Variants in ZFHX3 observed in about 807,000 individuals in gnomAD.
The protein encoded by ZFHX3 is zinc finger homeobox 3, also known as zinc finger homeobox protein 3.
ZFHX3 carries 42 observed loss-of-function variants against 279.1 expected under a neutral mutation model. That is an observed-to-expected ratio of 0.15 (90% CI 0.12 to 0.19). The LOEUF (loss-of-function observed/expected upper bound fraction) is 0.19. Ranked by LOEUF, ZFHX3 falls within the 10% of genes least tolerant of loss-of-function variation. The pLI, the probability that ZFHX3 is intolerant of heterozygous loss-of-function variation, is 1.00. For synonymous variants in ZFHX3, 2,293 were observed against 1,957.8 expected (o/e 1.17, Z -4.52); for missense variants, 4,981 against 4,754.0 (o/e 1.05, Z -1.40).
intron 5 of ZFHX3, among the ~76,000 whole-genome samples, chr16:73,169,710 A>T (rs1316032299): frequency 6.6e-6 from 1 of 151,990 alleles, no homozygotes; most frequent in African/African-American, 2.4e-5. Flanking sequence ...TTCTTTTGGC[A>T]TAGAAGTGAA....
At chr16:73,577,790 C>A (rs185694869) in intron 2 of ZFHX3, among the ~76,000 whole-genome samples, 4 of 152,170 alleles carry the variant, frequency 2.6e-5, no homozygotes, top group African/African-American at 9.7e-5. Context: ...TATGTTCCGC[C>A]ATAGTTTTAT....
chr16:72,805,838 T>C (rs974702700), intron 7 of ZFHX3, among the ~76,000 whole-genome samples: 1 of 152,170 alleles, frequency 6.6e-6, no homozygotes, highest in East Asian at 1.9e-4. Context: ...TACTGGGCCA[T>C]GGCGTCTTTT....
At chr16:72,994,874 A>G (rs370747559) in intron 1 of ZFHX3, among the ~76,000 whole-genome samples, 12 of 152,372 alleles carry the variant, frequency 7.9e-5, no homozygotes, top group African/African-American at 2.9e-4. Context: ...CATCTCTTCA[A>G]GAGCTGCCTG....
In ZFHX3 at chr16:72,811,740, T is replaced by C. The variant is rs773397643; in HGVS notation, c.3701A>G (p.Asp1234Gly). 7 of 1,613,940 alleles carry C rather than the reference T, an allele frequency of 4.3e-6. No homozygotes were observed. In the East Asian group the frequency reaches 1.3e-4, roughly 31 times the overall value. Reference protein sequence around the residue: ...QCPYCKYSNADVNRLRVHAMT... With the variant: ...QCPYCKYSNAGVNRLRVHAMT... ...GGCATGCACCCGGAGCCGGTTGACATCGGCATTACTGTACTTGCAGTAGGG... is the reference window on the plus strand; with the variant it reads ...GGCATGCACCCGGAGCCGGTTGACACCGGCATTACTGTACTTGCAGTAGGG... The change falls in exon 7 of 10, where the codon GAT becomes GGT. Residue 1234 changes from aspartate to glycine, a missense_variant. Around this residue, in one of 7 missense-constraint regions of ZFHX3, gnomAD observed 1,751 missense variants for 1,770.0 expected, o/e 0.99. Coordinates refer to ENST00000268489, the MANE Select transcript of ZFHX3 (RefSeq NM_006885.4).
At chr16:73,189,644 A>G (rs1181921934) in intron 5 of ZFHX3, among the ~76,000 whole-genome samples, 1 of 152,134 alleles carries the variant, frequency 6.6e-6, no homozygotes, top group African/African-American at 2.4e-5. Flanking sequence ...TTTAGGCTGG[A>G]TGTGGTTTCT....
Position 72,785,868 on chromosome 16 carries a change from T to TAACA in ZFHX3, c.*1292_*1295dup, listed in dbSNP as rs2035347594. ...TAAATAAAAAATAAATGCACAAAGC[T>TAACA]AACAGACACAGGTAACTAGAATTAT... On this transcript the variant is annotated 3_prime_UTR_variant, in exon 10 of 10. Coordinates refer to ENST00000268489, the MANE Select transcript of ZFHX3 (RefSeq NM_006885.4). 1 of 152,146 alleles carries TAACA rather than the reference T, an allele frequency of 6.6e-6. No homozygotes were observed. Among genetic ancestry groups the TAACA allele is most frequent in the South Asian group, 2.1e-4 (1 of 4,826 alleles). The allele number at this position is 152,146 out of a possible 1,614,324, so 9.4% of individuals were successfully genotyped here. A position where few individuals can be genotyped will look rare whatever the true frequency, so the allele number is the denominator to read the frequency against.
At chr16:73,461,202 C>T (rs988600965) in intron 2 of ZFHX3, among the ~76,000 whole-genome samples, 22 of 152,154 alleles carry the variant, frequency 1.4e-4, no homozygotes, top group African/African-American at 5.3e-4. Context: ...TGTGTACCAT[C>T]GTTGCTGAAA....
At chr16:73,311,421 C>T (rs1046912432) in intron 4 of ZFHX3, among the ~76,000 whole-genome samples, 2 of 140,570 alleles carry the variant, frequency 1.4e-5, no homozygotes, top group African/African-American at 5.5e-5. Flanking sequence ...ATGGTGAAAC[C>T]TTGTCTCTAC....
intron 1 of ZFHX3, among the ~76,000 whole-genome samples, chr16:73,717,215 G>A (rs182899627): frequency 9.9e-5 from 15 of 152,274 alleles, no homozygotes; most frequent in Non-Finnish European, 2.1e-4. Context: ...TGTCTTTAGT[G>A]TGGAATAAAA....
At position 72,785,759 on chromosome 16, in the gene ZFHX3, T is replaced by C. The variant is rs1166880855; in HGVS notation, c.*1405A>G. The C allele has an allele frequency of 1.3e-5, 2 of 150,022 alleles. No homozygotes were observed. The highest frequency in any genetic ancestry group is 1.9e-4 in the East Asian group (1 of 5,140). The allele number at this position is 150,022 out of a possible 1,614,324, so 9.3% of individuals were successfully genotyped here. A position where few individuals can be genotyped will look rare whatever the true frequency, so the allele number is the denominator to read the frequency against. ...ACACAAATGGAAACAAATCCTTTAGTATAGAAAAAAAAAGAATATTTGAAG... is the reference window on the plus strand; with the variant it reads ...ACACAAATGGAAACAAATCCTTTAGCATAGAAAAAAAAAGAATATTTGAAG... On this transcript the variant is annotated 3_prime_UTR_variant, in exon 10 of 10. Transcript: ENST00000268489.
chr16:72,785,991 A>G lies in ZFHX3; in HGVS notation c.*1173T>C, dbSNP rs948802060. On this transcript the variant is annotated 3_prime_UTR_variant, in exon 10 of 10. Transcript: ENST00000268489. ...GAAATTCTTTCTTTAGTTTTATAAA[A>G]TAATTCTGCAGCTCCCTCTAAGAAA... The G allele has an allele frequency of 2.6e-5, 4 of 152,214 alleles. No homozygotes were observed. Among genetic ancestry groups the G allele is most frequent in the Non-Finnish European group, 4.4e-5 (3 of 68,040 alleles). The allele number at this position is 152,214 out of a possible 1,614,324, so 9.4% of individuals were successfully genotyped here. A position where few individuals can be genotyped will look rare whatever the true frequency, so the allele number is the denominator to read the frequency against.
At chr16:73,778,063 AAAT>A (rs1377093706) in intron 1 of ZFHX3, among the ~76,000 whole-genome samples, 6 of 151,356 alleles carry the variant, frequency 4.0e-5, no homozygotes, top group Admixed American at 1.3e-4. Flanking sequence ...AAAATGAAAA[AAAT>A]AATATCAAAC....
At chr16:73,637,184 G>T (rs189284476) in intron 2 of ZFHX3, among the ~76,000 whole-genome samples, 4 of 150,344 alleles carry the variant, frequency 2.7e-5, no homozygotes, top group Non-Finnish European at 5.9e-5. Context: ...GACTAGCACA[G>T]ACTAATTGGG....
chr16:73,070,423 T>A (rs1157920889), intron 8 of ZFHX3, among the ~76,000 whole-genome samples: 1 of 150,806 alleles, frequency 6.6e-6, no homozygotes, highest in Non-Finnish European at 1.5e-5. Flanking sequence ...CCTCTATTAT[T>A]TTTTTTTAAT....
intron 2 of ZFHX3, among the ~76,000 whole-genome samples, chr16:73,529,192 A>T (rs1243278027): frequency 1.3e-5 from 2 of 152,164 alleles, no homozygotes; most frequent in African/African-American, 4.8e-5. Context: ...TCATTCCGCC[A>T]GTTAGACCCC....
upstream of ZFHX3, among the ~76,000 whole-genome samples, chr16:73,052,394 T>A (rs2144728683): frequency 6.6e-6 from 1 of 152,068 alleles, no homozygotes; most frequent in Non-Finnish European, 1.5e-5. Flanking sequence ...CTATTAAGCT[T>A]CTAAGGATGG....
At chr16:73,224,047 G>T (rs905174078) in intron 5 of ZFHX3, among the ~76,000 whole-genome samples, 1 of 152,172 alleles carries the variant, frequency 6.6e-6, no homozygotes, top group African/African-American at 2.4e-5. Context: ...AGTAGGCAGG[G>T]CATACATGAT....
chr16:72,983,189 A>G (rs1034971990), intron 1 of ZFHX3, among the ~76,000 whole-genome samples: 13 of 152,226 alleles, frequency 8.5e-5, no homozygotes, highest in Non-Finnish European at 1.8e-4. Context: ...GAGACTTATG[A>G]GGCAACTTAA....
chr16:73,790,965 G>GT (rs747033419), intron 1 of ZFHX3, among the ~76,000 whole-genome samples: 31 of 152,054 alleles, frequency 2.0e-4, no homozygotes, highest in Non-Finnish European at 2.6e-4. Context: ...CCAACCTCAG[G>GT]TTTTTTGTTG....
Sources: allele counts gnomAD v4.1 joint callset (sites outside exome capture counted in the v4.1 genomes callset), GRCh38; gene constraint gnomAD v4.1.1; regional missense constraint gnomAD v4.1.1; transcripts MANE v1.5; gene names NCBI Gene and HGNC (gene_info 2026-07-23, HGNC 2026-07-21).